The following LINGO2 variants were observed in gnomAD, a reference collection of about 807,000 sequenced individuals.
The protein encoded by LINGO2 is leucine-rich repeat and immunoglobulin-like domain-containing nogo receptor-interacting protein 2.
Under a neutral mutation model 30.6 loss-of-function variants are expected in LINGO2, and 14 were observed. That is an observed-to-expected ratio of 0.46 (90% CI 0.30 to 0.72). LINGO2 has a LOEUF of 0.72. Ranked by LOEUF, LINGO2 falls within the 30% of genes least tolerant of loss-of-function variation. The pLI, the probability that LINGO2 is intolerant of heterozygous loss-of-function variation, is 0.07. For missense variants in LINGO2, 729 were observed against 751.7 expected (o/e 0.97, Z 0.35); for synonymous variants, 317 against 288.5 (o/e 1.10, Z -1.00).
intron 4 of LINGO2, among the ~76,000 whole-genome samples, chr9:28,277,566 G>A (rs546378576): frequency 6.6e-6 from 1 of 152,252 alleles, no homozygotes; most frequent in South Asian, 2.1e-4. Flanking sequence ...CACTCTGGGA[G>A]GCTGAGGTGG....
At chr9:28,346,069 G>T (rs372106140) in intron 3 of LINGO2, among the ~76,000 whole-genome samples, 5 of 152,154 alleles carry the variant, frequency 3.3e-5, no homozygotes, top group African/African-American at 1.2e-4. Flanking sequence ...ATTTAAAAAA[G>T]CTTTTATTTT....
At chr9:29,052,755 G>A in the LINGO2 span, among the ~76,000 whole-genome samples, 2 of 152,070 alleles carry the variant, frequency 1.3e-5, no homozygotes, top group African/African-American at 4.8e-5. Flanking sequence ...TTCTGACCCA[G>A]GCCACCGGTA....
intron 4 of LINGO2, among the ~76,000 whole-genome samples, chr9:28,077,050 G>A (rs1825644796): frequency 6.6e-6 from 1 of 152,126 alleles, no homozygotes; most frequent in Non-Finnish European, 1.5e-5. Context: ...GTGACTTAAT[G>A]AAGTTTGACT....
At chr9:28,568,225 G>GA (rs1000785103) in intron 1 of LINGO2, among the ~76,000 whole-genome samples, 1 of 151,910 alleles carries the variant, frequency 6.6e-6, no homozygotes, top group Non-Finnish European at 1.5e-5. Flanking sequence ...CAGACAAAGA[G>GA]AAAAAAACAA....
chr9:28,471,505 C>G (rs1461252728), intron 2 of LINGO2, among the ~76,000 whole-genome samples: 1 of 152,162 alleles, frequency 6.6e-6, no homozygotes, highest in Admixed American at 6.5e-5. Flanking sequence ...CCTCCCAACA[C>G]TGCTACACAG....
At chr9:28,199,343 T>TTTCTTCCTCCTCCTCCTCCTCCTC (rs1564036486) in intron 4 of LINGO2, among the ~76,000 whole-genome samples, 12 of 128,872 alleles carry the variant, frequency 9.3e-5, no homozygotes, top group African/African-American at 2.7e-4. Context: ...TTCTTCTTCT[T>TTTCTTCCTCCTCCTCCTCCTCCTC]CTTTTTTTTT....
the LINGO2 span, among the ~76,000 whole-genome samples, chr9:29,008,861 T>C: frequency 0.88 from 133,783 of 152,064 alleles, 59,358 homozygotes; most frequent in Non-Finnish European, 0.93. Context: ...ATCCCTGGGA[T>C]TGCAAGGCTG....
At chr9:29,147,919 A>T in the LINGO2 span, among the ~76,000 whole-genome samples, 2 of 152,108 alleles carry the variant, frequency 1.3e-5, no homozygotes, top group Non-Finnish European at 2.9e-5. Flanking sequence ...TTCTTTAGTG[A>T]TTCATTGGCC....
the LINGO2 span, among the ~76,000 whole-genome samples, chr9:29,092,099 T>C: frequency 6.6e-6 from 1 of 152,040 alleles, no homozygotes; most frequent in East Asian, 1.9e-4. Context: ...CCAGCCACTT[T>C]GCTAGAATCT....
intron 1 of LINGO2, among the ~76,000 whole-genome samples, chr9:28,625,375 A>G (rs76869167): frequency 6.6e-6 from 1 of 152,250 alleles, no homozygotes; most frequent in East Asian, 1.9e-4. Context: ...GAGGTGACAT[A>G]GGCAGTTCAA....
At chr9:28,259,553 G>C (rs761629178) in intron 4 of LINGO2, among the ~76,000 whole-genome samples, 5 of 151,686 alleles carry the variant, frequency 3.3e-5, no homozygotes, top group Non-Finnish European at 5.9e-5. Flanking sequence ...TGAGGGAAGA[G>C]GAAGAAATAC....
intron 1 of LINGO2, among the ~76,000 whole-genome samples, chr9:28,477,204 G>A (rs1825763966): frequency 6.6e-6 from 1 of 152,086 alleles, no homozygotes; most frequent in African/African-American, 2.4e-5. Flanking sequence ...ACTGCCACTT[G>A]TGTGACCAAT....
At chr9:28,551,546 C>T (rs904419892) in intron 1 of LINGO2, among the ~76,000 whole-genome samples, 4 of 151,908 alleles carry the variant, frequency 2.6e-5, no homozygotes, top group Admixed American at 1.3e-4. Flanking sequence ...ATTATATGCT[C>T]ATGCTTAAAA....
chr9:28,996,315 A>T, the LINGO2 span, among the ~76,000 whole-genome samples: 1 of 152,174 alleles, frequency 6.6e-6, no homozygotes, highest in Non-Finnish European at 1.5e-5. Flanking sequence ...CTGTGGGCTG[A>T]GGATACCATT....
intron 2 of LINGO2, among the ~76,000 whole-genome samples, chr9:28,458,770 A>ACTAACTGCCCACTCTT (rs1824953629): frequency 1.3e-5 from 2 of 152,132 alleles, no homozygotes; most frequent in Non-Finnish European, 2.9e-5. Flanking sequence ...TCCTAGATCA[A>ACTAACTGCCCACTCTT]CTAACTGCCC....
intron 1 of LINGO2, among the ~76,000 whole-genome samples, chr9:28,596,625 T>G (rs1255115315): frequency 2.0e-5 from 3 of 152,214 alleles, no homozygotes; most frequent in Non-Finnish European, 4.4e-5. Context: ...CAACTGTATT[T>G]TGTAGTACAT....
Position 28,319,231 on chromosome 9 carries a change from A to AC in LINGO2, c.-245-23866dup, listed in dbSNP as rs565692307. Among the ~76,000 whole-genome samples the AC allele has an allele frequency of 2.5e-3, 382 of 152,290 alleles. 14 individuals carry two copies. The highest frequency in any genetic ancestry group is 0.025 in the Admixed American group (381 of 15,286). ...GATTTCAAAAGTAATAGGGATGGCC[A>AC]CCCACCTTCCGTGACTTGTGGCCCC... On this transcript the variant is annotated intron_variant, in intron 3 of 5. Coordinates refer to ENST00000379992, the Ensembl canonical transcript of LINGO2.
chr9:28,433,923 T>TCTCTCTCTCTCTCTC (rs1564196132), intron 2 of LINGO2, among the ~76,000 whole-genome samples: 1,549 of 109,114 alleles, frequency 0.014, 312 homozygotes, highest in Middle Eastern at 0.03. Context: ...TGCTCTCTCT[T>TCTCTCTCTCTCTCTC]TCTCTCTCTC....
At chr9:28,816,987 G>A in the LINGO2 span, among the ~76,000 whole-genome samples, 3 of 152,082 alleles carry the variant, frequency 2.0e-5, no homozygotes, top group African/African-American at 4.8e-5. Flanking sequence ...ACTCACAGGC[G>A]ACATTCTTTA....
Sources: gnomAD v4.1 joint callset for allele counts (sites outside exome capture counted in the v4.1 genomes callset) on GRCh38, gnomAD v4.1.1 for gene constraint, MANE v1.5 for transcripts, NCBI Gene and HGNC (gene_info 2026-07-23, HGNC 2026-07-21) for gene names.